SPMIP2: variants seen among roughly 807,000 people sequenced by gnomAD.
SPMIP2 encodes the protein protein SPMIP2.
At chr4:158,992,793 G>A in the SPMIP2 span, among the ~76,000 whole-genome samples, 4,209 of 152,256 alleles carry the variant, frequency 0.028, 188 homozygotes, top group African/African-American at 0.093. Context: ...AGCTGGAGGT[G>A]CTGTGAAGCC....
chr4:159,023,479 C>G, the SPMIP2 span, among the ~76,000 whole-genome samples: 1 of 152,304 alleles, frequency 6.6e-6, no homozygotes, highest in East Asian at 1.9e-4. Flanking sequence ...GTTGGTTCTG[C>G]TTCTCTAGAG....
chr4:158,993,489 T>A, the SPMIP2 span, among the ~76,000 whole-genome samples: 7 of 151,918 alleles, frequency 4.6e-5, no homozygotes, highest in South Asian at 4.2e-4. Context: ...AGTTTTTTTT[T>A]AAATTTCTAT....
chr4:158,993,999 G>C, the SPMIP2 span, among the ~76,000 whole-genome samples: 1 of 152,200 alleles, frequency 6.6e-6, no homozygotes, highest in Non-Finnish European at 1.5e-5. Flanking sequence ...CGAACACTAT[G>C]AGGCTTATTG....
the SPMIP2 span, among the ~76,000 whole-genome samples, chr4:158,971,017 A>G: frequency 6.6e-6 from 1 of 152,220 alleles, no homozygotes; most frequent in Non-Finnish European, 1.5e-5. Flanking sequence ...AATACTAACT[A>G]GAGATACAGA....
At chr4:158,974,628 G>A in the SPMIP2 span, among the ~76,000 whole-genome samples, 2 of 152,080 alleles carry the variant, frequency 1.3e-5, no homozygotes, top group African/African-American at 2.4e-5. Flanking sequence ...CCCTCCAAAG[G>A]ATATGAACTC....
chr4:158,938,386 T>G, the SPMIP2 span, among the ~76,000 whole-genome samples: 2 of 152,252 alleles, frequency 1.3e-5, no homozygotes, highest in African/African-American at 4.8e-5. Flanking sequence ...CCAAATTACA[T>G]GCACCATATG....
chr4:158,960,460 C>T, the SPMIP2 span: 6 of 589,386 alleles, frequency 1.0e-5, no homozygotes, highest in Admixed American at 1.8e-4. Context: ...ATAGAAAATG[C>T]TAAATTCAGT....
the SPMIP2 span, among the ~76,000 whole-genome samples, chr4:159,018,920 C>A: frequency 7.3e-3 from 1,115 of 152,230 alleles, 16 homozygotes; most frequent in African/African-American, 0.026. Context: ...GAAACCCCAT[C>A]TGTACTAAAA....
At chr4:159,034,480 C>CATTGTGAAATA in the SPMIP2 span, among the ~76,000 whole-genome samples, 1 of 152,188 alleles carries the variant, frequency 6.6e-6, no homozygotes, top group African/African-American at 2.4e-5. Flanking sequence ...TCAAATATTC[C>CATTGTGAAATA]TTTGTGAAAG....
chr4:158,971,086 G>T, the SPMIP2 span, among the ~76,000 whole-genome samples: 10 of 152,312 alleles, frequency 6.6e-5, no homozygotes, highest in Non-Finnish European at 1.5e-4. Context: ...TTCCCAGCTT[G>T]CTTTGAAGAC....
At chr4:158,970,446 A>G in the SPMIP2 span, among the ~76,000 whole-genome samples, 5 of 152,058 alleles carry the variant, frequency 3.3e-5, no homozygotes, top group Non-Finnish European at 7.4e-5. Flanking sequence ...AGGCCGAGGT[A>G]GGAGGATTGC....
At chr4:158,990,936 A>T in the SPMIP2 span, among the ~76,000 whole-genome samples, 2 of 152,152 alleles carry the variant, frequency 1.3e-5, no homozygotes, top group Non-Finnish European at 2.9e-5. Context: ...GGGTCTTGCT[A>T]TGTTGCCCAG....
At chr4:158,983,285 C>A in the SPMIP2 span, among the ~76,000 whole-genome samples, 1 of 151,882 alleles carries the variant, frequency 6.6e-6, no homozygotes, top group East Asian at 1.9e-4. Context: ...GGCAGGCCAA[C>A]ATTCAGATTC....
At chr4:159,027,754 C>CA in the SPMIP2 span, among the ~76,000 whole-genome samples, 1 of 152,074 alleles carries the variant, frequency 6.6e-6, no homozygotes, top group African/African-American at 2.4e-5. Context: ...TTTCACAGAG[C>CA]AAAAAATAAG....
chr4:158,932,117 C>T, the SPMIP2 span, among the ~76,000 whole-genome samples: 10 of 152,048 alleles, frequency 6.6e-5, no homozygotes, highest in Admixed American at 5.2e-4. Flanking sequence ...GTAGAAATAC[C>T]GGGTACAATT....
the SPMIP2 span, among the ~76,000 whole-genome samples, chr4:159,020,584 T>C: frequency 6.6e-6 from 1 of 152,164 alleles, no homozygotes; most frequent in South Asian, 2.1e-4. Flanking sequence ...TCCTTTCCAG[T>C]TATCTGCGAG....
chr4:158,994,937 G>A, the SPMIP2 span, among the ~76,000 whole-genome samples: 56 of 152,156 alleles, frequency 3.7e-4, no homozygotes, highest in African/African-American at 1.1e-3. Context: ...CAATTCAGTT[G>A]GTACAATTAT....
At chr4:158,986,601 C>A in the SPMIP2 span, among the ~76,000 whole-genome samples, 4 of 151,876 alleles carry the variant, frequency 2.6e-5, no homozygotes, top group Admixed American at 6.6e-5. Flanking sequence ...AAACTGGATC[C>A]CTTCCTTACA....
At chr4:159,028,479 A>C in the SPMIP2 span, among the ~76,000 whole-genome samples, 1 of 152,082 alleles carries the variant, frequency 6.6e-6, no homozygotes, top group African/African-American at 2.4e-5. Flanking sequence ...ACAGGTGTGC[A>C]CCACCACACT....
Sources: gnomAD v4.1 joint callset for allele counts (sites outside exome capture counted in the v4.1 genomes callset) on GRCh38, gnomAD v4.1.1 for gene constraint, MANE v1.5 for transcripts, NCBI Gene and HGNC (gene_info 2026-07-23, HGNC 2026-07-21) for gene names.